KIAA1217: variants seen among roughly 807,000 people sequenced by gnomAD.
KIAA1217 encodes the protein sickle tail protein homolog.
A neutral mutation model predicts 163.9 loss-of-function variants in KIAA1217; 88 were observed. The ratio of observed to expected loss-of-function variants is 0.54; its 90% CI spans 0.45 to 0.64. The LOEUF (loss-of-function observed/expected upper bound fraction) is 0.64. Among genes scored for constraint, KIAA1217 ranks in the 30% least tolerant of loss-of-function variants. The pLI, the probability that KIAA1217 is intolerant of heterozygous loss-of-function variation, is 0.00. For synonymous variants in KIAA1217, 903 were observed against 923.1 expected, an observed-to-expected ratio of 0.98 and a Z score of 0.39; for missense variants, 2,372 against 2,475.0, an observed-to-expected ratio of 0.96 and a Z score of 0.88.
intron 2 of KIAA1217, among the ~76,000 whole-genome samples, chr10:24,352,324 T>C (rs752334243): frequency 3.9e-5 from 6 of 152,214 alleles, no homozygotes; most frequent in Non-Finnish European, 5.9e-5. Context: ...TTTCAAATGT[T>C]TCACATGGAA....
intron 2 of KIAA1217, among the ~76,000 whole-genome samples, chr10:24,164,967 G>A (rs1439745115): frequency 6.6e-6 from 1 of 152,230 alleles, no homozygotes; most frequent in Admixed American, 6.5e-5. Context: ...GCATTGAAGA[G>A]AAGAGTGCTG....
intron 2 of KIAA1217, among the ~76,000 whole-genome samples, chr10:24,342,652 A>ATTT (rs11299912): frequency 6.4e-5 from 6 of 93,506 alleles, no homozygotes; most frequent in Non-Finnish European, 1.2e-4. Flanking sequence ...ATACAACTCA[A>ATTT]TTTTTTTTTT....
At chr10:23,776,229 C>T (rs571803663) in intron 1 of KIAA1217, among the ~76,000 whole-genome samples, 10 of 152,126 alleles carry the variant, frequency 6.6e-5, no homozygotes, top group Non-Finnish European at 1.2e-4. Flanking sequence ...TGAGTCTGAT[C>T]CCTCAAGATT....
Position 24,093,380 on chromosome 10 carries a change from C to T in KIAA1217, c.-171+86006C>T, listed in dbSNP as rs542144721. Among the ~76,000 whole-genome samples the T allele has an allele frequency of 3.3e-5, 5 of 151,698 alleles. No homozygotes were observed. The East Asian group carries it at 7.8e-4, about 24-fold the overall frequency. ...AGAGATGGGGTTTCACTATGTTTGCCAGGCTGGTCTTGAACTCCTGATCTC... is the reference window on the plus strand; with the variant it reads ...AGAGATGGGGTTTCACTATGTTTGCTAGGCTGGTCTTGAACTCCTGATCTC... On this transcript the variant is annotated intron_variant, in intron 2 of 18. Transcript: ENST00000376462.
chr10:24,195,853 G>T (rs1036199059), intron 2 of KIAA1217, among the ~76,000 whole-genome samples: 1 of 152,204 alleles, frequency 6.6e-6, no homozygotes, highest in Admixed American at 6.5e-5. Flanking sequence ...TATTGGCTGG[G>T]CGCAGTGGCT....
chr10:24,543,269 T>G lies in KIAA1217; in HGVS notation c.3999T>G (p.Phe1333Leu), dbSNP rs930265181. The part of the protein sequence containing the change: ...TRLTESSVHD[F>L]KTEDQEVITT... ...TAACAGAATCAAGCGTGCATGATTT[T>G]AAAACAGAAGATCAAGAGGTTATCA... The change falls in exon 19 of 21, where the codon TTT becomes TTG. Residue 1333 changes from phenylalanine (F) to leucine (L), a missense_variant. Physicochemically the swap from Phe to Leu is conservative, Grantham distance 22 (BLOSUM62 0). This residue lies in a region of KIAA1217 where 251 missense variants were observed against 327.3 expected (regional missense o/e 0.77). Transcript: ENST00000376454. 1 of 1,613,948 alleles carries G rather than the reference T, an allele frequency of 6.2e-7. No homozygotes were observed. Among genetic ancestry groups the G allele is most frequent in the Non-Finnish European group, 8.5e-7 (1 of 1,180,024 alleles).
intron 17 of KIAA1217, among the ~76,000 whole-genome samples, chr10:24,538,688 C>A (rs2074476433): frequency 1.3e-5 from 2 of 150,752 alleles, no homozygotes; most frequent in African/African-American, 4.9e-5. Context: ...TTGAACTGAA[C>A]CCATGAAACC....
chr10:24,450,486 C>T (rs1564701639), intron 5 of KIAA1217, among the ~76,000 whole-genome samples: 1 of 152,200 alleles, frequency 6.6e-6, no homozygotes, highest in East Asian at 1.9e-4. Context: ...CAGTAATTCA[C>T]TCACAATATT....
At chr10:24,448,012 C>T (rs948632790) in intron 5 of KIAA1217, among the ~76,000 whole-genome samples, 1 of 152,000 alleles carries the variant, frequency 6.6e-6, no homozygotes, top group Admixed American at 6.6e-5. Flanking sequence ...TGCCTATAGT[C>T]CCAGCTACTC....
At chr10:24,479,884 G>C (rs1037888922) in intron 6 of KIAA1217, among the ~76,000 whole-genome samples, 1 of 152,150 alleles carries the variant, frequency 6.6e-6, no homozygotes, top group African/African-American at 2.4e-5. Flanking sequence ...TTAAAAGCGA[G>C]AGCAAGAAAT....
At chr10:24,215,416 T>A (rs1432038065) in intron 1 of KIAA1217, among the ~76,000 whole-genome samples, 2 of 152,224 alleles carry the variant, frequency 1.3e-5, no homozygotes, top group African/African-American at 4.8e-5. Context: ...CACACCCATA[T>A]TTAAATGTTA....
intron 2 of KIAA1217, among the ~76,000 whole-genome samples, chr10:24,375,449 A>G (rs933453268): frequency 2.0e-5 from 3 of 152,226 alleles, no homozygotes; most frequent in Non-Finnish European, 2.9e-5. Context: ...TGAAGCAGGA[A>G]TGGTAGAGAA....
chr10:24,213,979 C>G (rs2068486661), intron 1 of KIAA1217, among the ~76,000 whole-genome samples: 1 of 126,148 alleles, frequency 7.9e-6, no homozygotes, highest in South Asian at 2.7e-4. Context: ...AGTGAGACCC[C>G]ATCTCTACAA....
At chr10:24,410,756 G>A (rs1052830687) in intron 3 of KIAA1217, among the ~76,000 whole-genome samples, 1 of 152,234 alleles carries the variant, frequency 6.6e-6, no homozygotes, top group Middle Eastern at 3.2e-3. Flanking sequence ...AGGTCATCAA[G>A]AACAGCAGCT....
chr10:24,433,138 G>A lies in KIAA1217; in HGVS notation c.697G>A (p.Ala233Thr), dbSNP rs773272428. The A allele has an allele frequency of 9.3e-6, 15 of 1,613,956 alleles. No individual in the cohort carries two copies. Among genetic ancestry groups the A allele is most frequent in the African/African-American group, 2.7e-5 (2 of 75,012 alleles). The change falls in exon 4 of 21, where the codon GCC (alanine) becomes ACC (threonine). Residue 233 changes from alanine (A) to threonine (T), a missense_variant. Around this residue, in one of 3 missense-constraint regions of KIAA1217, gnomAD observed 1,431 missense variants for 1,470.3 expected, o/e 0.97. Transcript: ENST00000376454. ...GAAAATGCTGGAATCGCCCAGTGTC[G>A]CCATTTACATCAAAGATGAAAGCAG... ...TMKMLESPSV[A>T]IYIKDESRNV...
intron 2 of KIAA1217, among the ~76,000 whole-genome samples, chr10:24,220,460 T>TA (rs2130862371): frequency 7.2e-6 from 1 of 139,324 alleles, no homozygotes; most frequent in Non-Finnish European, 1.5e-5. Context: ...TTTTTTTTTT[T>TA]TTTTTTTTTT....
chr10:24,451,581 C>A (rs1193367357), intron 5 of KIAA1217, among the ~76,000 whole-genome samples: 1 of 152,200 alleles, frequency 6.6e-6, no homozygotes, highest in Non-Finnish European at 1.5e-5. Context: ...AGCCCCAGTT[C>A]AGCATAAAAT....
chr10:23,879,525 G>T (rs1182353568), intron 1 of KIAA1217, among the ~76,000 whole-genome samples: 1 of 151,898 alleles, frequency 6.6e-6, no homozygotes, highest in Non-Finnish European at 1.5e-5. Flanking sequence ...AACCAATGAA[G>T]ACTGAGAATT....
chr10:24,455,132 C>T (rs569514539), intron 5 of KIAA1217, among the ~76,000 whole-genome samples: 2 of 152,096 alleles, frequency 1.3e-5, no homozygotes, highest in Non-Finnish European at 2.9e-5. Context: ...TTTTATTATT[C>T]GTAACAATGA....
Sources: allele counts gnomAD v4.1 joint callset (sites outside exome capture counted in the v4.1 genomes callset), GRCh38; gene constraint gnomAD v4.1.1; regional missense constraint gnomAD v4.1.1; transcripts MANE v1.5; gene names NCBI Gene and HGNC (gene_info 2026-07-23, HGNC 2026-07-21).